MALRD1: variants seen among roughly 807,000 people sequenced by gnomAD.
MALRD1 encodes MAM and LDL receptor class A domain containing 1.
A neutral mutation model predicts 242.1 loss-of-function variants in MALRD1; 247 were observed. That is an observed-to-expected ratio of 1.02 (90% confidence interval 0.92 to 1.13). The LOEUF is 1.13. Among genes scored for constraint, MALRD1 ranks in the 50% most tolerant of loss-of-function variants. MALRD1 has a pLI of 0.00. For synonymous variants in MALRD1, 995 were observed against 866.6 expected, an observed-to-expected ratio of 1.15 and a Z score of -2.60; for missense variants, 2,989 against 2,533.1, an observed-to-expected ratio of 1.18 and a Z score of -3.86.
intron 29 of MALRD1, among the ~76,000 whole-genome samples, chr10:19,458,633 G>A (rs535558253): frequency 2.0e-5 from 3 of 152,050 alleles, no homozygotes; most frequent in Admixed American, 6.6e-5. Context: ...TTAGTTAAAC[G>A]GGTCAATAAG....
intron 29 of MALRD1, among the ~76,000 whole-genome samples, chr10:19,453,728 T>C (rs1317576623): frequency 6.6e-6 from 1 of 151,822 alleles, no homozygotes. Context: ...ATAGAAAAAT[T>C]AGCTGGGCGT....
chr10:19,654,487 A>G lies in MALRD1; in HGVS notation c.6138-37795A>G, dbSNP rs374026828. Among the ~76,000 whole-genome samples the G allele has an allele frequency of 2.3e-4, 35 of 152,284 alleles. 1 individual carries two copies. The highest frequency in any genetic ancestry group is 3.4e-3 in the Middle Eastern group (1 of 294). On this transcript the variant is annotated intron_variant, in intron 36 of 39. Transcript: ENST00000454679. The stretch of plus-strand genomic sequence containing the variant: ...AAATGACCATTATCAATATCTCTAC[A>G]TAGATGAATCCAAAAGGAGAGTCAT...
chr10:19,078,384 A>G (rs1835382822), intron 2 of MALRD1, among the ~76,000 whole-genome samples: 1 of 151,798 alleles, frequency 6.6e-6, no homozygotes, highest in Non-Finnish European at 1.5e-5. Context: ...TGTTGAACCA[A>G]TTTTGCATTC....
chr10:19,319,589 A>T (rs1169273455), intron 21 of MALRD1, among the ~76,000 whole-genome samples: 2 of 152,094 alleles, frequency 1.3e-5, no homozygotes, highest in Non-Finnish European at 2.9e-5. Context: ...AATAAAACAC[A>T]TTTATTTATC....
intron 28 of MALRD1, among the ~76,000 whole-genome samples, chr10:19,425,193 C>A (rs1339462403): frequency 6.6e-6 from 1 of 152,018 alleles, no homozygotes; most frequent in Non-Finnish European, 1.5e-5. Context: ...GTGAAGTAAA[C>A]CCAAGCCCTT....
chr10:19,366,349 A>G (rs576672301), intron 26 of MALRD1, among the ~76,000 whole-genome samples: 10 of 152,150 alleles, frequency 6.6e-5, no homozygotes, highest in African/African-American at 2.2e-4. Context: ...TCCTATGAGA[A>G]GCTAGCGCTG....
chr10:19,691,463 G>A (rs771561141), intron 36 of MALRD1, among the ~76,000 whole-genome samples: 6 of 152,032 alleles, frequency 3.9e-5, no homozygotes, highest in Non-Finnish European at 7.4e-5. Flanking sequence ...CAAAAGCTAC[G>A]TTTTCATCCT....
chr10:19,662,483 C>T (rs907645041), intron 36 of MALRD1, among the ~76,000 whole-genome samples: 3 of 152,116 alleles, frequency 2.0e-5, no homozygotes, highest in South Asian at 4.2e-4. Context: ...TTTAATATAC[C>T]GTCATTCTTT....
intron 36 of MALRD1, among the ~76,000 whole-genome samples, chr10:19,641,511 T>C (rs1342037625): frequency 6.6e-6 from 1 of 152,162 alleles, no homozygotes; most frequent in Non-Finnish European, 1.5e-5. Flanking sequence ...ACAAATGTCT[T>C]CTCCCCAGTA....
chr10:19,206,039 A>G (rs1435400919), intron 17 of MALRD1, among the ~76,000 whole-genome samples: 1 of 149,874 alleles, frequency 6.7e-6, no homozygotes, highest in East Asian at 1.9e-4. Context: ...TATTATATTT[A>G]TTTTATAAAT....
intron 14 of MALRD1, among the ~76,000 whole-genome samples, chr10:19,184,571 C>T (rs944629519): frequency 2.0e-5 from 3 of 151,854 alleles, no homozygotes; most frequent in African/African-American, 7.3e-5. Context: ...GTTTTTGAAA[C>T]AGGGTCTTGG....
chr10:19,530,672 A>G lies in MALRD1; in HGVS notation c.5321-522A>G, dbSNP rs1834374546. 5.3e-5 allele frequency among the ~76,000 whole-genome samples: 8 copies of G among 151,666 alleles called. No individual in the cohort carries two copies. In the South Asian group the frequency reaches 1.7e-3, roughly 31 times the overall value. On this transcript the variant is annotated intron_variant, in intron 31 of 39. Transcript: ENST00000454679. ...TTGTGTTTAAATGCAGAAATCTTTC[A>G]CATACTAATGCATTTGAGAAGAAAA...
intron 29 of MALRD1, among the ~76,000 whole-genome samples, chr10:19,474,223 T>C (rs1414843403): frequency 6.6e-6 from 1 of 152,190 alleles, no homozygotes. Flanking sequence ...AGTCATTTTT[T>C]TTAAATGAGT....
chr10:19,698,195 A>G (rs553001097), intron 38 of MALRD1, among the ~76,000 whole-genome samples: 2 of 152,314 alleles, frequency 1.3e-5, no homozygotes, highest in African/African-American at 2.4e-5. Context: ...TTGAAGCCTG[A>G]GGAATAAAGG....
intron 1 of MALRD1, among the ~76,000 whole-genome samples, chr10:19,050,911 C>T (rs1834473924): frequency 6.6e-6 from 1 of 152,178 alleles, no homozygotes; most frequent in South Asian, 2.1e-4. Context: ...TGGAAAGCTG[C>T]TGAATAGGAA....
At chr10:19,302,579 G>C (rs1189174992) in intron 21 of MALRD1, among the ~76,000 whole-genome samples, 1 of 151,684 alleles carries the variant, frequency 6.6e-6, no homozygotes, top group Non-Finnish European at 1.5e-5. Context: ...TTTCCAGATT[G>C]GGCAAATCTA....
At chr10:19,125,537 T>G (rs1837256959) in intron 7 of MALRD1, among the ~76,000 whole-genome samples, 1 of 151,408 alleles carries the variant, frequency 6.6e-6, no homozygotes, top group South Asian at 2.1e-4. Flanking sequence ...TTGCTTTTTT[T>G]TCTTTCTTCC....
chr10:19,570,288 C>T (rs553815230), intron 33 of MALRD1, among the ~76,000 whole-genome samples: 1 of 152,154 alleles, frequency 6.6e-6, no homozygotes, highest in Middle Eastern at 3.4e-3. Flanking sequence ...CAGTACTCCT[C>T]AGACTGGGGT....
intron 28 of MALRD1, among the ~76,000 whole-genome samples, chr10:19,434,859 T>C (rs1829897449): frequency 6.6e-6 from 1 of 151,914 alleles, no homozygotes; most frequent in South Asian, 2.1e-4. Context: ...AATCTTTTTA[T>C]TTATTATTTG....
Sources: allele counts gnomAD v4.1 joint callset (sites outside exome capture counted in the v4.1 genomes callset), GRCh38; gene constraint gnomAD v4.1.1; transcripts MANE v1.5; gene names NCBI Gene and HGNC (gene_info 2026-07-23, HGNC 2026-07-21).